ELAVL2: variants seen among roughly 807,000 people sequenced by gnomAD.
The protein encoded by ELAVL2 is ELAV like RNA binding protein 2, also known as ELAV-like protein 2.
A neutral mutation model predicts 34.6 loss-of-function variants in ELAVL2; 4 were observed. That is an observed-to-expected ratio of 0.12 (90% CI 0.06 to 0.26). ELAVL2 has a LOEUF of 0.26. ELAVL2 is among the 10% of genes least tolerant of loss of function. The pLI, the probability that ELAVL2 is intolerant of heterozygous loss-of-function variation, is 1.00. For synonymous variants in ELAVL2, 193 were observed against 154.8 expected (o/e 1.25, Z -1.83); for missense variants, 432 against 442.8 (o/e 0.98, Z 0.22).
intron 2 of ELAVL2, among the ~76,000 whole-genome samples, chr9:23,750,259 A>G (rs2051590812): frequency 6.6e-6 from 1 of 152,144 alleles, no homozygotes; most frequent in Non-Finnish European, 1.5e-5. Flanking sequence ...AGCTGGGGAT[A>G]TAATGGAATG....
At chr9:23,726,320 A>T (rs1423291388) in intron 3 of ELAVL2, among the ~76,000 whole-genome samples, 1 of 152,122 alleles carries the variant, frequency 6.6e-6, no homozygotes, top group South Asian at 2.1e-4. Context: ...AAGAAATTTC[A>T]TGATTGTATA....
intron 1 of ELAVL2, among the ~76,000 whole-genome samples, chr9:23,781,651 A>G (rs535200257): frequency 1.2e-4 from 18 of 151,372 alleles, no homozygotes; most frequent in African/African-American, 4.4e-4. Context: ...AGTAGCTGGG[A>G]CCACAGGTAC....
At position 23,724,022 on chromosome 9, in the gene ELAVL2, G is replaced by C. The variant is rs539299607; in HGVS notation, c.333+7000C>G. On this transcript the variant is annotated intron_variant, in intron 3 of 6. Coordinates refer to ENST00000397312, the MANE Select transcript of ELAVL2 (RefSeq NM_004432.5). ...TCCAATGGAGGTCTTCATAAAACCT[G>C]ACATTCTCCATGCTGGTTACAGAAA... is the stretch of plus-strand genomic sequence containing the variant. Among the ~76,000 whole-genome samples the C allele has an allele frequency of 3.3e-5, 5 of 152,256 alleles. No homozygotes were observed. In the South Asian group the frequency reaches 1.0e-3, roughly 32 times the overall value.
intron 1 of ELAVL2, among the ~76,000 whole-genome samples, chr9:23,801,657 G>C (rs2061582057): frequency 6.6e-6 from 1 of 152,180 alleles, no homozygotes; most frequent in Admixed American, 6.5e-5. Context: ...GTGTATAAAG[G>C]TCAACATCTG....
the ELAVL2 span, among the ~76,000 whole-genome samples, chr9:23,844,196 C>G: frequency 6.6e-6 from 1 of 151,758 alleles, no homozygotes; most frequent in African/African-American, 2.4e-5. Context: ...TTTTACATAT[C>G]TCTGATACCA....
intron 3 of ELAVL2, among the ~76,000 whole-genome samples, chr9:23,712,632 C>G (rs1445954853): frequency 6.6e-6 from 1 of 152,100 alleles, no homozygotes; most frequent in African/African-American, 2.4e-5. Context: ...TAGCTAGAAT[C>G]TTTTTGATAG....
chr9:23,765,087 T>C (rs776922266), intron 1 of ELAVL2: 22 of 1,602,688 alleles, frequency 1.4e-5, no homozygotes, highest in Admixed American at 1.8e-5. Context: ...CCATGTTAGT[T>C]TGGAGTTGCC....
chr9:23,816,092 A>G (rs2063662924), intron 1 of ELAVL2, among the ~76,000 whole-genome samples: 2 of 152,002 alleles, frequency 1.3e-5, no homozygotes, highest in African/African-American at 2.4e-5. Context: ...AATACTAAAA[A>G]CTGTATGGAA....
At chr9:23,770,692 G>C (rs551416879) in intron 1 of ELAVL2, among the ~76,000 whole-genome samples, 3 of 152,194 alleles carry the variant, frequency 2.0e-5, no homozygotes, top group African/African-American at 7.2e-5. Flanking sequence ...AAGACTCTGG[G>C]AGGAATGCAG....
At chr9:23,815,077 C>A (rs1311104537) in intron 1 of ELAVL2, among the ~76,000 whole-genome samples, 1 of 152,084 alleles carries the variant, frequency 6.6e-6, no homozygotes, top group African/African-American at 2.4e-5. Context: ...AAATGTATTT[C>A]TATGTAAACT....
At chr9:23,793,959 A>G (rs547007637) in intron 1 of ELAVL2, among the ~76,000 whole-genome samples, 7 of 152,310 alleles carry the variant, frequency 4.6e-5, no homozygotes, top group South Asian at 2.1e-4. Flanking sequence ...AGCATGCACT[A>G]TATCATACAG....
chr9:23,743,603 C>T (rs2049806571), intron 2 of ELAVL2, among the ~76,000 whole-genome samples: 1 of 152,184 alleles, frequency 6.6e-6, no homozygotes, highest in South Asian at 2.1e-4. Flanking sequence ...ATATACCCAG[C>T]AACTTAGTAC....
chr9:23,785,852 C>A lies in ELAVL2; in HGVS notation c.-15-23603G>T, dbSNP rs1007889381. On this transcript the variant is annotated intron_variant, in intron 1 of 6. Transcript: ENST00000397312. The stretch of plus-strand genomic sequence containing the variant: ...ATAGAGGAAGAGACACTGGGTCCCA[C>A]TCAAAAATAAAGTATCTCAACTTTT... Among the ~76,000 whole-genome samples the A allele has an allele frequency of 2.0e-5, 3 of 152,200 alleles. No individual in the cohort carries two copies. In the East Asian group the frequency reaches 5.8e-4, roughly 29 times the overall value.
intron 2 of ELAVL2, among the ~76,000 whole-genome samples, chr9:23,750,020 T>C (rs1230128499): frequency 2.3e-5 from 3 of 131,832 alleles, no homozygotes; most frequent in Admixed American, 8.4e-5. Context: ...AAGGGTACTG[T>C]CTTAAAAAAG....
intron 1 of ELAVL2, among the ~76,000 whole-genome samples, chr9:23,816,299 T>C (rs1375748923): frequency 2.0e-5 from 2 of 102,498 alleles, no homozygotes; most frequent in East Asian, 5.4e-4. Flanking sequence ...CAAGAAAGTG[T>C]GTACTAAAAG....
chr9:23,715,437 C>T (rs1365908934), intron 3 of ELAVL2, among the ~76,000 whole-genome samples: 1 of 152,184 alleles, frequency 6.6e-6, no homozygotes, highest in African/African-American at 2.4e-5. Context: ...CGTGAGCCAC[C>T]ACGCCCAGCT....
chr9:23,699,279 C>G (rs2036325565), intron 5 of ELAVL2, among the ~76,000 whole-genome samples: 1 of 152,190 alleles, frequency 6.6e-6, no homozygotes, highest in African/African-American at 2.4e-5. Flanking sequence ...GCACCTGAGT[C>G]ACCTACAAGC....
intron 1 of ELAVL2, among the ~76,000 whole-genome samples, chr9:23,764,531 C>A (rs1564354011): frequency 6.6e-6 from 1 of 152,158 alleles, no homozygotes; most frequent in African/African-American, 2.4e-5. Context: ...ATAGGCTCAA[C>A]ACAACTGTTC....
the ELAVL2 span, among the ~76,000 whole-genome samples, chr9:23,836,870 A>G: frequency 6.6e-6 from 1 of 152,188 alleles, no homozygotes; most frequent in South Asian, 2.1e-4. Context: ...ATATACAACT[A>G]TTAGAAACAG....
Sources: gnomAD v4.1 joint callset for allele counts (sites outside exome capture counted in the v4.1 genomes callset) on GRCh38, gnomAD v4.1.1 for gene constraint, MANE v1.5 for transcripts, NCBI Gene and HGNC (gene_info 2026-07-23, HGNC 2026-07-21) for gene names.